The following DIAPH3 variants were observed in gnomAD, a reference collection of about 807,000 sequenced individuals.
DIAPH3 encodes protein diaphanous homolog 3.
Under a neutral mutation model 144.3 loss-of-function variants are expected in DIAPH3, and 117 were observed. The observed-to-expected ratio is 0.81, with a 90% CI of 0.70 to 0.95. DIAPH3 has a LOEUF of 0.95. DIAPH3 is among the 40% of genes least tolerant of loss of function. The pLI is 0.00. For synonymous variants in DIAPH3, 519 were observed against 488.9 expected (o/e 1.06, Z -0.81); for missense variants, 1,421 against 1,412.7 (o/e 1.01, Z -0.09).
At chr13:59,935,579 TG>T (rs2048225260) in intron 17 of DIAPH3, among the ~76,000 whole-genome samples, 1 of 152,238 alleles carries the variant, frequency 6.6e-6, no homozygotes. Context: ...AAATTTGGAA[TG>T]TTTTTATGAG....
intron 27 of DIAPH3, among the ~76,000 whole-genome samples, chr13:59,738,827 G>C (rs1593715447): frequency 6.6e-6 from 1 of 152,194 alleles, no homozygotes; most frequent in East Asian, 1.9e-4. Flanking sequence ...TGAAAAGTCA[G>C]TTTGACCACT....
chr13:59,929,554 C>CTTTTTTTTTTTTTTTTTTTT, intron 17 of DIAPH3, among the ~76,000 whole-genome samples: 1 of 56,088 alleles, frequency 1.8e-5, no homozygotes, highest in Non-Finnish European at 3.4e-5. Flanking sequence ...AAATTTTGTT[C>CTTTTTTTTTTTTTTTTTTTT]TTTTTTTTTT....
At chr13:59,690,398 T>C (rs985331750) in intron 27 of DIAPH3, among the ~76,000 whole-genome samples, 1 of 152,178 alleles carries the variant, frequency 6.6e-6, no homozygotes, top group African/African-American at 2.4e-5. Flanking sequence ...TGTTCAGCCA[T>C]CCTGCTCTTG....
intron 17 of DIAPH3, among the ~76,000 whole-genome samples, chr13:59,958,009 G>C (rs1336655827): frequency 2.0e-5 from 3 of 152,068 alleles, no homozygotes; most frequent in Non-Finnish European, 4.4e-5. Context: ...ATGAGTCTAA[G>C]GTAATATGAT....
intron 17 of DIAPH3, among the ~76,000 whole-genome samples, chr13:59,925,625 T>C (rs1321461575): frequency 1.3e-5 from 2 of 152,162 alleles, no homozygotes; most frequent in African/African-American, 2.4e-5. Flanking sequence ...TTGAAAGGAA[T>C]TGGTGTTAGT....
At chr13:59,928,940 T>A (rs1297931744) in intron 17 of DIAPH3, among the ~76,000 whole-genome samples, 1 of 152,084 alleles carries the variant, frequency 6.6e-6, no homozygotes, top group Non-Finnish European at 1.5e-5. Flanking sequence ...ACACTGGAGG[T>A]GGCGAGGTCG....
chr13:60,117,134 G>A (rs1306407154), intron 2 of DIAPH3, among the ~76,000 whole-genome samples: 8 of 151,838 alleles, frequency 5.3e-5, no homozygotes. Flanking sequence ...AAGTAATAAC[G>A]TTAATAATAA....
chr13:59,902,370 G>C (rs1428009462), intron 20 of DIAPH3, among the ~76,000 whole-genome samples: 2 of 152,060 alleles, frequency 1.3e-5, no homozygotes, highest in Non-Finnish European at 2.9e-5. Context: ...AGACGTGCCT[G>C]TTTCCCCTAC....
intron 9 of DIAPH3, among the ~76,000 whole-genome samples, chr13:60,000,385 G>A (rs1210151498): frequency 6.6e-6 from 1 of 151,498 alleles, no homozygotes; most frequent in Non-Finnish European, 1.5e-5. Flanking sequence ...TGGTTAAAAT[G>A]GTAAATTTCA....
intron 4 of DIAPH3, among the ~76,000 whole-genome samples, chr13:60,090,197 T>TAGAA (rs543025482): frequency 1.0e-3 from 158 of 152,304 alleles, no homozygotes; most frequent in African/African-American, 3.7e-3. Context: ...TGGATCACGT[T>TAGAA]CCCATGCCCT....
intron 27 of DIAPH3, among the ~76,000 whole-genome samples, chr13:59,735,098 T>A (rs932051735): frequency 6.6e-6 from 1 of 151,692 alleles, no homozygotes; most frequent in East Asian, 1.9e-4. Context: ...TAATAAGACT[T>A]CTTGAAAAAC....
intron 5 of DIAPH3, among the ~76,000 whole-genome samples, chr13:60,035,426 T>C (rs553072092): frequency 6.6e-6 from 1 of 152,308 alleles, no homozygotes; most frequent in African/African-American, 2.4e-5. Context: ...TAGAGGTCTC[T>C]TAGAGAAATG....
rs754490079 is a variant in DIAPH3, at chr13:59,970,979, G to A, written c.1832C>T (p.Pro611Leu). The A allele has an allele frequency of 1.1e-5, 18 of 1,613,958 alleles. No individual in the cohort carries two copies. The South Asian group carries it at 1.8e-4, about 16-fold the overall frequency. ...AAGGAATCCCAGGGGAGGTGGTGGAGGCACAGGACCACTGAATGGCATCCG... is the reference window on the plus strand; with the variant it reads ...AAGGAATCCCAGGGGAGGTGGTGGAAGCACAGGACCACTGAATGGCATCCG... ...GMRMPFSGPV[P>L]PPPPLGFLGG... Residue 611 changes from proline (P) to leucine (L), a missense_variant, in exon 16 of 28, where the codon CCT (proline) becomes CTT (leucine). Pro to Leu is a moderately conservative substitution (Grantham distance 98). Transcript: ENST00000400324.
intron 20 of DIAPH3, among the ~76,000 whole-genome samples, chr13:59,895,801 GAAT>G (rs964953574): frequency 1.3e-5 from 2 of 152,314 alleles, no homozygotes; most frequent in African/African-American, 4.8e-5. Context: ...CAGGCCACAA[GAAT>G]AATGAGCCAG....
At chr13:59,822,685 A>C (rs890894353) in intron 24 of DIAPH3, among the ~76,000 whole-genome samples, 2 of 151,764 alleles carry the variant, frequency 1.3e-5, no homozygotes, top group Non-Finnish European at 2.9e-5. Flanking sequence ...CTCGTGATCC[A>C]CCCACTCGGC....
At position 60,096,629 on chromosome 13, in the gene DIAPH3, G is replaced by A. The variant is rs186951285; in HGVS notation, c.391-2897C>T. Among the ~76,000 whole-genome samples the A allele has an allele frequency of 3.3e-4, 50 of 152,310 alleles. No individual in the cohort carries two copies. In the South Asian group the frequency reaches 3.3e-3, roughly 10 times the overall value. Reference sequence around the variant, plus strand: ...GACGATCCGCCCTCAGTATGGGCAGGCACCATCTAATCAGCTGAAAGCCTG... The same window carrying A: ...GACGATCCGCCCTCAGTATGGGCAGACACCATCTAATCAGCTGAAAGCCTG... On this transcript the variant is annotated intron_variant, in intron 3 of 27. Transcript: ENST00000400324.
At chr13:59,979,237 CTCCAT>C (rs1404797271) in intron 14 of DIAPH3, among the ~76,000 whole-genome samples, 1 of 151,582 alleles carries the variant, frequency 6.6e-6, no homozygotes, top group African/African-American at 2.4e-5. Context: ...GAAACTTTAA[CTCCAT>C]TCATGTTTGA....
intron 20 of DIAPH3, among the ~76,000 whole-genome samples, chr13:59,891,934 T>C (rs1325030172): frequency 6.6e-6 from 1 of 152,026 alleles, no homozygotes; most frequent in East Asian, 1.9e-4. Context: ...TACTCATTCA[T>C]TGTGTATCAA....
chr13:60,089,755 T>C (rs968747506), intron 4 of DIAPH3, among the ~76,000 whole-genome samples: 5 of 152,162 alleles, frequency 3.3e-5, no homozygotes, highest in African/African-American at 4.8e-5. Context: ...TCATTTACCA[T>C]AGAATGGGCA....
Sources: allele counts gnomAD v4.1 joint callset (sites outside exome capture counted in the v4.1 genomes callset), GRCh38; gene constraint gnomAD v4.1.1; transcripts MANE v1.5; gene names NCBI Gene and HGNC (gene_info 2026-07-23, HGNC 2026-07-21).